The following AACS variants were observed in gnomAD, a reference collection of about 807,000 sequenced individuals.
AACS encodes acetoacetyl-CoA synthetase, also known as acetoacetate-CoA ligase.
AACS carries 69 observed loss-of-function variants against 83.1 expected under a neutral mutation model. The observed-to-expected ratio is 0.83, with a 90% CI of 0.68 to 1.01. The LOEUF is 1.01. Among genes scored for constraint, AACS ranks in the 50% least tolerant of loss-of-function variants. AACS has a pLI of 0.00. For missense variants in AACS, 866 were observed against 882.2 expected (o/e 0.98, Z 0.23); for synonymous variants, 333 against 343.4 (o/e 0.97, Z 0.33).
rs1450353844 is a variant in AACS, at chr12:125,113,893, T to C, written c.916-584T>C. ...ACCAAAATTAAAAGGTAATAGGGCA[T>C]AGTGGGTGGGAGGGAGCGGTTCTGC... On this transcript the variant is annotated intron_variant, in intron 8 of 17. Coordinates refer to ENST00000316519, the MANE Select transcript of AACS (RefSeq NM_023928.5). This position sits in a 1 kb window ranked among gnomAD's most constrained non-coding sequence, Gnocchi z 4.8. 6.6e-6 allele frequency among the ~76,000 whole-genome samples: 1 copy of C among 152,018 alleles called. No individual in the cohort carries two copies. Among genetic ancestry groups the C allele is most frequent in the Non-Finnish European group, 1.5e-5 (1 of 67,990 alleles).
intron 9 of AACS, among the ~76,000 whole-genome samples, chr12:125,115,300 G>A (rs899838939): frequency 4.1e-5 from 6 of 146,744 alleles, no homozygotes; most frequent in African/African-American, 1.3e-4. Flanking sequence ...TAGCTGTGTC[G>A]CCCAGGCTGG....
chr12:125,071,633 G>C (rs1349430965), intron 1 of AACS, among the ~76,000 whole-genome samples: 1 of 152,152 alleles, frequency 6.6e-6, no homozygotes, highest in South Asian at 2.1e-4. Flanking sequence ...GTAGAGGCGG[G>C]GAGCGTGGGA....
intron 5 of AACS, among the ~76,000 whole-genome samples, chr12:125,096,185 C>T (rs1004856574): frequency 6.6e-6 from 1 of 152,160 alleles, no homozygotes; most frequent in Non-Finnish European, 1.5e-5. Context: ...AGGCTGGTCT[C>T]GATCTCCTGA....
At chr12:125,121,525 T>C (rs1446899395) in intron 10 of AACS, 2 of 152,260 alleles carry the variant, frequency 1.3e-5, no homozygotes, top group Non-Finnish European at 2.9e-5. Context: ...ATTGACACAT[T>C]CGATCAAAGA....
chr12:125,142,042 T>C (rs745369939), intron 17 of AACS, 50 bp from the exon 18 acceptor site: 3 of 1,608,914 alleles, frequency 1.9e-6, no homozygotes, highest in African/African-American at 1.3e-5. Context: ...GCTGCGGATT[T>C]TCCCCCCTTC....
chr12:125,089,501 G>A (rs897355069), intron 4 of AACS, among the ~76,000 whole-genome samples: 1 of 152,128 alleles, frequency 6.6e-6, no homozygotes, highest in Non-Finnish European at 1.5e-5. Context: ...ATTGATCATA[G>A]TCTCTGTGGC....
chr12:125,112,537 G>T (rs1956975227), intron 8 of AACS, among the ~76,000 whole-genome samples: 1 of 152,000 alleles, frequency 6.6e-6, no homozygotes, highest in Admixed American at 6.6e-5. Flanking sequence ...AAAATTAGCT[G>T]GGCATGGTGG....
chr12:125,071,894 G>A (rs1955875113), intron 1 of AACS, among the ~76,000 whole-genome samples: 1 of 152,114 alleles, frequency 6.6e-6, no homozygotes, highest in South Asian at 2.1e-4. Context: ...TTTCGCTCTT[G>A]TTGCCCAGGC....
In AACS at chr12:125,113,312, C is replaced by T. The variant is rs967920130; in HGVS notation, c.916-1165C>T. Among the ~76,000 whole-genome samples, 2 of 152,234 alleles carry T rather than the reference C, an allele frequency of 1.3e-5. No homozygotes were observed. The highest frequency in any genetic ancestry group is 2.1e-4 in the South Asian group (1 of 4,836). ...TTCAGCCTTCTAGGCCCTCCACAAC[C>T]AGGAGCACCTTTGTGATGAGCCAGA... On this transcript the variant is annotated intron_variant, in intron 8 of 17. Transcript: ENST00000316519. This position sits in a 1 kb window ranked among gnomAD's most constrained non-coding sequence, Gnocchi z 4.8.
At chr12:125,086,579 A>C (rs1956344165) in intron 4 of AACS, 136 bp downstream of exon 4, 9 of 739,244 alleles carry the variant, frequency 1.2e-5, no homozygotes, top group Admixed American at 2.9e-5. Context: ...TGGACTCTAC[A>C]TGCAAGGAGA....
chr12:125,124,937 C>T lies in AACS; in HGVS notation c.1222C>T (p.Leu408=). The change falls in exon 12 of 18, where the codon CTG becomes TTG. Residue 408 remains leucine (L), a synonymous_variant. Coordinates refer to ENST00000316519, the MANE Select transcript of AACS (RefSeq NM_023928.5). ...THSLQMLHTI[L]STGSPLKAQS... ...CAGTCTCCAGATGCTCCACACGATCCTGTCCACTGGCTCCCCACTGAAAGC... is the reference window on the plus strand; with the variant it reads ...CAGTCTCCAGATGCTCCACACGATCTTGTCCACTGGCTCCCCACTGAAAGC... The T allele has an allele frequency of 1.2e-6, 2 of 1,614,238 alleles. No homozygotes were observed. Among genetic ancestry groups the T allele is most frequent in the Non-Finnish European group, 1.7e-6 (2 of 1,180,046 alleles).
intron 17 of AACS, chr12:125,141,094 A>G (rs972005669): frequency 1.3e-5 from 2 of 152,240 alleles, no homozygotes; most frequent in African/African-American, 4.8e-5. Context: ...CATTCGAGGA[A>G]GTGAACTCAG....
chr12:125,089,823 A>G (rs371648404), intron 4 of AACS, among the ~76,000 whole-genome samples: 1 of 150,320 alleles, frequency 6.7e-6, no homozygotes, highest in Non-Finnish European at 1.5e-5. Flanking sequence ...TCCATCTTCC[A>G]TTTATCATCC....
At chr12:125,124,296 AAAT>A (rs919548084) in intron 10 of AACS, 59 of 165,634 alleles carry the variant, frequency 3.6e-4, no homozygotes, top group East Asian at 8.6e-4. Context: ...ACCCTGTCTA[AAAT>A]AATAATAATA....
rs1396563373 is a variant in AACS at position 125,113,113 on chromosome 12, G to A, written c.916-1364G>A. Among the ~76,000 whole-genome samples, 1 of 152,246 alleles carries A rather than the reference G, an allele frequency of 6.6e-6. No homozygotes were observed. The highest frequency in any genetic ancestry group is 6.5e-5 in the Admixed American group (1 of 15,288). On this transcript the variant is annotated intron_variant, in intron 8 of 17. Coordinates refer to ENST00000316519, the MANE Select transcript of AACS (RefSeq NM_023928.5). The surrounding 1 kb of genome is among the most constrained non-coding windows in gnomAD (Gnocchi z 4.8). The stretch of plus-strand genomic sequence containing the variant: ...TTTGTGGGCTGGGTGGCGGTTGCCT[G>A]TTTGGGATGGACTCCGGAATAGGAG...
Position 125,074,911 on chromosome 12 carries a change from G to A in AACS, c.237+932G>A, listed in dbSNP as rs112543524. ...ACTCCCAACCTTGGGTGATCCACCC[G>A]CCTCAGCCTCTCAAAGTGCTGGGAT... On this transcript the variant is annotated intron_variant, in intron 2 of 17. Coordinates refer to ENST00000316519, the MANE Select transcript of AACS (RefSeq NM_023928.5). Among the ~76,000 whole-genome samples the A allele has an allele frequency of 8.6e-3, 1,296 of 150,500 alleles. 25 individuals are homozygous for A. Among genetic ancestry groups the A allele is most frequent in the African/African-American group, 0.03 (1,213 of 40,944 alleles).
intron 14 of AACS, among the ~76,000 whole-genome samples, chr12:125,133,219 ACTCT>A (rs1373583907): frequency 6.6e-6 from 1 of 151,514 alleles, no homozygotes; most frequent in East Asian, 1.9e-4. Flanking sequence ...TCCCTTGGTG[ACTCT>A]CTCGGCTGTG....
chr12:125,091,802 G>A (rs1956492243), intron 5 of AACS, among the ~76,000 whole-genome samples: 1 of 152,234 alleles, frequency 6.6e-6, no homozygotes. Flanking sequence ...TAGTAAGGTC[G>A]AGCCCTGTCT....
intron 4 of AACS, 145 bp downstream of exon 4, chr12:125,086,588 G>GA (rs1313801910): frequency 2.8e-6 from 2 of 707,630 alleles, no homozygotes; most frequent in Non-Finnish European, 4.8e-6. Context: ...CATGCAAGGA[G>GA]AAAAAATAGA....
Sources: gnomAD v4.1 joint callset for allele counts (sites outside exome capture counted in the v4.1 genomes callset) on GRCh38, gnomAD v4.1.1 for gene constraint, Gnocchi (gnomAD v3.1) non-coding constraint, MANE v1.5 for transcripts, NCBI Gene and HGNC (gene_info 2026-07-23, HGNC 2026-07-21) for gene names.